PTPRM: variants seen among roughly 807,000 people sequenced by gnomAD.
The protein encoded by PTPRM is receptor-type tyrosine-protein phosphatase mu.
In PTPRM, 47 loss-of-function variants were observed where a neutral mutation model predicts 186.7. That is an observed-to-expected ratio of 0.25 (90% CI 0.20 to 0.32). The LOEUF is 0.32. Among genes scored for constraint, PTPRM ranks in the 10% least tolerant of loss-of-function variants. The pLI, the probability that PTPRM is intolerant of heterozygous loss-of-function variation, is 1.00. For synonymous variants in PTPRM, 668 were observed against 674.9 expected (o/e 0.99, Z 0.16); for missense variants, 1,494 against 1,865.0 (o/e 0.80, Z 3.66).
intron 19 of PTPRM, among the ~76,000 whole-genome samples, chr18:8,256,566 A>G (rs1303769727): frequency 6.6e-6 from 1 of 152,240 alleles, no homozygotes; most frequent in Non-Finnish European, 1.5e-5. Flanking sequence ...ACTTCGTTAT[A>G]CTGAGGTTTC....
At chr18:8,161,390 G>A (rs1046788812) in intron 14 of PTPRM, among the ~76,000 whole-genome samples, 3 of 152,090 alleles carry the variant, frequency 2.0e-5, no homozygotes, top group African/African-American at 7.2e-5. Flanking sequence ...ACTGCCTAGG[G>A]GGGCCAGTAG....
chr18:8,289,551 C>CACATATATATACAT lies in PTPRM; in HGVS notation c.2755-6816_2755-6815insCATATATATACATA, dbSNP rs1318286908. 5.1e-4 allele frequency among the ~76,000 whole-genome samples: 40 copies of CACATATATATACAT among 77,692 alleles called. 1 individual carries two copies. Among genetic ancestry groups the CACATATATATACAT allele is most frequent in the African/African-American group, 3.2e-3 (39 of 12,232 alleles). The allele number at this position is 77,692 out of a possible 152,430, so 51.0% of individuals were successfully genotyped here. A position where few individuals can be genotyped will look rare whatever the true frequency, so the allele number is the denominator to read the frequency against. On this transcript the variant is annotated intron_variant, in intron 19 of 32. Coordinates refer to ENST00000580170, the MANE Select transcript of PTPRM (RefSeq NM_001105244.2). ...ATATATATACACATATATATATATA[C>CACATATATATACAT]ATATATATACACATATATATATATA...
intron 2 of PTPRM, among the ~76,000 whole-genome samples, chr18:7,803,908 G>A (rs1185497835): frequency 1.3e-5 from 2 of 152,050 alleles, no homozygotes; most frequent in African/African-American, 4.8e-5. Context: ...AGAAAAAAAA[G>A]AATGTCTGTA....
At chr18:7,941,256 C>A (rs79503892) in intron 5 of PTPRM, among the ~76,000 whole-genome samples, 484 of 152,314 alleles carry the variant, frequency 3.2e-3, no homozygotes, top group African/African-American at 0.011. Context: ...GTCTGCTTCT[C>A]TTATGCTCTG....
chr18:8,039,750 T>A (rs150411011), intron 7 of PTPRM, among the ~76,000 whole-genome samples: 2 of 152,248 alleles, frequency 1.3e-5, no homozygotes, highest in East Asian at 3.9e-4. Context: ...GTACAGTAGA[T>A]CTCTTGCAGT....
In PTPRM at chr18:8,319,283, T is replaced by G; in HGVS notation, c.2956+69T>G. ...CCACTTCCTATCATTTTGTACCCAC[T>G]TCACCCTCCTTCAGGAAGATATTGC... On this transcript the variant is annotated intron_variant, in intron 22 of 32. Transcript: ENST00000580170. 3 of 1,127,000 alleles carry G rather than the reference T, an allele frequency of 2.7e-6. No individual in the cohort carries two copies. In the East Asian group the frequency reaches 7.4e-5, roughly 28 times the overall value. 69.8% of individuals were successfully genotyped at this position (1,127,000 alleles called of 1,614,324 possible). A position where few individuals can be genotyped will look rare whatever the true frequency, so the allele number is the denominator to read the frequency against.
At chr18:7,612,003 TCTAA>T (rs2037687389) in intron 1 of PTPRM, among the ~76,000 whole-genome samples, 1 of 152,240 alleles carries the variant, frequency 6.6e-6, no homozygotes. Flanking sequence ...GACAAAATTG[TCTAA>T]CTATACGTTT....
At chr18:8,151,243 C>A (rs1270995613) in intron 14 of PTPRM, among the ~76,000 whole-genome samples, 1 of 152,032 alleles carries the variant, frequency 6.6e-6, no homozygotes, top group Non-Finnish European at 1.5e-5. Flanking sequence ...TGCCCTTTCC[C>A]CCAGGTGCTT....
At chr18:7,774,107 C>T in intron 1 of PTPRM, 42 bp from the exon 2 acceptor site, 1 of 1,571,758 alleles carries the variant, frequency 6.4e-7, no homozygotes, top group Non-Finnish European at 8.7e-7. Context: ...TTCTAGAGGT[C>T]TGGTTGGTAT....
intron 7 of PTPRM, among the ~76,000 whole-genome samples, chr18:8,035,570 T>C (rs1289272450): frequency 6.6e-6 from 1 of 152,196 alleles, no homozygotes; most frequent in Non-Finnish European, 1.5e-5. Context: ...TGTATTATTT[T>C]TATTGTTTTT....
At chr18:8,116,848 C>G (rs2091976021) in intron 13 of PTPRM, among the ~76,000 whole-genome samples, 1 of 152,128 alleles carries the variant, frequency 6.6e-6, no homozygotes, top group African/African-American at 2.4e-5. Context: ...ACTAAATATT[C>G]CCCACTCCTA....
At chr18:7,818,441 G>T (rs2044974883) in intron 2 of PTPRM, among the ~76,000 whole-genome samples, 1 of 152,090 alleles carries the variant, frequency 6.6e-6, no homozygotes, top group Non-Finnish European at 1.5e-5. Flanking sequence ...TAACATCCTA[G>T]CTCCTGCAAC....
chr18:8,047,357 G>A (rs1010425412), intron 7 of PTPRM, among the ~76,000 whole-genome samples: 1 of 152,108 alleles, frequency 6.6e-6, no homozygotes, highest in Admixed American at 6.5e-5. Context: ...ACATCAAACT[G>A]TGATTCATTT....
At chr18:8,096,521 T>C (rs1012696541) in intron 11 of PTPRM, among the ~76,000 whole-genome samples, 1 of 152,230 alleles carries the variant, frequency 6.6e-6, no homozygotes, top group South Asian at 2.1e-4. Context: ...AGTTACATGC[T>C]GTTTCTTTTC....
At chr18:8,148,633 T>C (rs569410873) in intron 14 of PTPRM, among the ~76,000 whole-genome samples, 1 of 152,312 alleles carries the variant, frequency 6.6e-6, no homozygotes, top group African/African-American at 2.4e-5. Context: ...TGAAGGGTTT[T>C]TCGTGTCTGT....
chr18:8,239,479 T>G (rs1348706573), intron 14 of PTPRM, among the ~76,000 whole-genome samples: 1 of 151,806 alleles, frequency 6.6e-6, no homozygotes, highest in East Asian at 1.9e-4. Flanking sequence ...CTCACAAAAC[T>G]GTGTGAGCCC....
In PTPRM at chr18:7,596,092, C is replaced by A. The variant is rs1342246570; in HGVS notation, c.73+28201C>A. 3.3e-5 allele frequency among the ~76,000 whole-genome samples: 5 copies of A among 152,190 alleles called. No individual in the cohort carries two copies. In the East Asian group the frequency reaches 9.6e-4, roughly 29 times the overall value. On this transcript the variant is annotated intron_variant, in intron 1 of 32. Transcript: ENST00000580170. ...TGCTTTCTGAGGTTTCAGTTACCCA[C>A]AATCAACCCCAGTCTGAAGCTACTA...
intron 7 of PTPRM, among the ~76,000 whole-genome samples, chr18:7,966,745 G>A (rs1469090080): frequency 3.5e-5 from 5 of 142,828 alleles, no homozygotes; most frequent in African/African-American, 4.9e-5. Context: ...GCGCTTTTCA[G>A]ACCGGCTTAA....
intron 14 of PTPRM, among the ~76,000 whole-genome samples, chr18:8,180,731 A>G (rs1317131503): frequency 1.3e-5 from 2 of 152,136 alleles, no homozygotes; most frequent in African/African-American, 2.4e-5. Flanking sequence ...GTTAAACTCC[A>G]CCATTTTGCC....
Sources: allele counts gnomAD v4.1 joint callset (sites outside exome capture counted in the v4.1 genomes callset), GRCh38; gene constraint gnomAD v4.1.1; transcripts MANE v1.5; gene names NCBI Gene and HGNC (gene_info 2026-07-23, HGNC 2026-07-21).